NKAIN3: variants seen among roughly 807,000 people sequenced by gnomAD.
NKAIN3 encodes the protein sodium/potassium-transporting ATPase subunit beta-1-interacting protein 3.
Under a neutral mutation model 30.2 loss-of-function variants are expected in NKAIN3, and 25 were observed. The ratio of observed to expected loss-of-function variants is 0.83; its 90% CI spans 0.60 to 1.16. The LOEUF (loss-of-function observed/expected upper bound fraction) is 1.16. NKAIN3 is among the 50% of genes most tolerant of loss of function. NKAIN3 has a pLI of 0.00. For missense variants in NKAIN3, 225 were observed against 254.1 expected, an observed-to-expected ratio of 0.89 and a Z score of 0.78; for synonymous variants, 91 against 89.6, an observed-to-expected ratio of 1.02 and a Z score of -0.09.
intron 1 of NKAIN3, among the ~76,000 whole-genome samples, chr8:62,368,170 C>T (rs375759915): frequency 6.6e-6 from 1 of 152,046 alleles, no homozygotes; most frequent in Admixed American, 6.6e-5. Context: ...AAATTCACTA[C>T]AATTGCTGTC....
intron 1 of NKAIN3, among the ~76,000 whole-genome samples, chr8:62,278,757 T>A (rs138288382): frequency 0.016 from 2,363 of 152,296 alleles, 45 homozygotes; most frequent in South Asian, 0.036. Context: ...ATGTGCCACA[T>A]TTTCTTAATC....
chr8:62,562,166 A>G (rs1809604900), intron 1 of NKAIN3, among the ~76,000 whole-genome samples: 1 of 152,172 alleles, frequency 6.6e-6, no homozygotes, highest in African/African-American at 2.4e-5. Context: ...ATACACATAT[A>G]TTCTTTAAAA....
At chr8:62,270,300 A>G (rs1812741058) in intron 1 of NKAIN3, among the ~76,000 whole-genome samples, 1 of 152,082 alleles carries the variant, frequency 6.6e-6, no homozygotes, top group Non-Finnish European at 1.5e-5. Context: ...CAGGCTGGTC[A>G]TGAACTACTT....
intron 4 of NKAIN3, among the ~76,000 whole-genome samples, chr8:62,899,524 G>A (rs188329511): frequency 6.1e-4 from 93 of 152,272 alleles, no homozygotes; most frequent in African/African-American, 2.1e-3. Flanking sequence ...TCACCTATAT[G>A]TGGGATCTAA....
At chr8:62,832,329 C>CTAT (rs1819223677) in intron 4 of NKAIN3, among the ~76,000 whole-genome samples, 1 of 150,048 alleles carries the variant, frequency 6.7e-6, no homozygotes, top group Admixed American at 6.7e-5. Flanking sequence ...CCCACAGACT[C>CTAT]TATAAAGTTA....
chr8:62,930,131 G>A (rs751369473), intron 5 of NKAIN3, among the ~76,000 whole-genome samples: 30 of 152,098 alleles, frequency 2.0e-4, no homozygotes, highest in Non-Finnish European at 3.2e-4. Context: ...AGAGTGTTGT[G>A]CGACCATCAC....
chr8:62,273,206 G>A (rs771374127), intron 1 of NKAIN3, among the ~76,000 whole-genome samples: 20 of 152,300 alleles, frequency 1.3e-4, no homozygotes, highest in African/African-American at 4.1e-4. Context: ...TTTTAATTAT[G>A]TCTGTTCATA....
chr8:62,925,903 G>A (rs981677142), intron 5 of NKAIN3, among the ~76,000 whole-genome samples: 6 of 152,020 alleles, frequency 3.9e-5, no homozygotes, highest in African/African-American at 7.2e-5. Flanking sequence ...CCCTCTACAC[G>A]AATGCCTGCC....
intron 1 of NKAIN3, among the ~76,000 whole-genome samples, chr8:62,503,262 A>G (rs1294908944): frequency 1.3e-5 from 2 of 152,196 alleles, no homozygotes; most frequent in Admixed American, 6.5e-5. Context: ...TGCCCACCTG[A>G]GCCGCAAAAC....
intron 1 of NKAIN3, among the ~76,000 whole-genome samples, chr8:62,530,721 C>T (rs1808461463): frequency 6.6e-6 from 1 of 152,036 alleles, no homozygotes; most frequent in African/African-American, 2.4e-5. Flanking sequence ...TCACTGCAAC[C>T]TCCGCCTCCC....
At chr8:62,331,414 C>G (rs1199633853) in intron 1 of NKAIN3, among the ~76,000 whole-genome samples, 1 of 152,082 alleles carries the variant, frequency 6.6e-6, no homozygotes. Flanking sequence ...TCCAGTCTCT[C>G]CCACAAGTTT....
At chr8:62,995,070 CTACT>C (rs1804077163) in intron 5 of NKAIN3, among the ~76,000 whole-genome samples, 1 of 152,142 alleles carries the variant, frequency 6.6e-6, no homozygotes, top group South Asian at 2.1e-4. Context: ...ATTTGAAAAA[CTACT>C]TAAGCTTTCC....
intron 3 of NKAIN3, among the ~76,000 whole-genome samples, chr8:62,713,653 T>A (rs982826342): frequency 6.6e-6 from 1 of 152,182 alleles, no homozygotes; most frequent in Non-Finnish European, 1.5e-5. Flanking sequence ...AAAAAGTCCC[T>A]TCAATAAATT....
rs151262744 is a variant in NKAIN3 at position 62,414,515 on chromosome 8, G to A, written c.55-165024G>A. Among the ~76,000 whole-genome samples the A allele has an allele frequency of 1.6e-3, 246 of 152,268 alleles. 1 individual carries two copies. Among genetic ancestry groups the A allele is most frequent in the African/African-American group, 5.8e-3 (240 of 41,564 alleles). ...TAGCAACAATTCTGCTGTTCGTGGC[G>A]TTAATGCCGAAGATCTGATAAGAGG... On this transcript the variant is annotated intron_variant, in intron 1 of 6. Coordinates refer to ENST00000623646, the MANE Select transcript of NKAIN3 (RefSeq NM_001304533.3).
chr8:62,419,701 A>G (rs918741044), intron 1 of NKAIN3, among the ~76,000 whole-genome samples: 1 of 152,202 alleles, frequency 6.6e-6, no homozygotes, highest in Non-Finnish European at 1.5e-5. Flanking sequence ...CAGTCCTGAG[A>G]TAATCAAGAA....
intron 3 of NKAIN3, among the ~76,000 whole-genome samples, chr8:62,651,983 C>T (rs1812634720): frequency 6.6e-6 from 1 of 152,078 alleles, no homozygotes; most frequent in East Asian, 1.9e-4. Flanking sequence ...GCCAGAAAAA[C>T]CTCTTTTTCA....
intron 3 of NKAIN3, among the ~76,000 whole-genome samples, chr8:62,746,036 C>G (rs969629363): frequency 1.3e-5 from 2 of 152,202 alleles, no homozygotes; most frequent in African/African-American, 2.4e-5. Flanking sequence ...ATAGCTTAAA[C>G]CTCAGAAATT....
chr8:62,687,428 TG>T (rs1375735060), intron 3 of NKAIN3, among the ~76,000 whole-genome samples: 5 of 152,228 alleles, frequency 3.3e-5, no homozygotes, highest in Non-Finnish European at 1.5e-5. Flanking sequence ...GTTGCCTGAG[TG>T]GGGATTGTCC....
intron 1 of NKAIN3, among the ~76,000 whole-genome samples, chr8:62,495,488 G>A (rs1400488623): frequency 6.6e-6 from 1 of 150,998 alleles, no homozygotes; most frequent in Non-Finnish European, 1.5e-5. Flanking sequence ...TTTGGTTAAA[G>A]TGTTATGAAG....
Sources: gnomAD v4.1 joint callset for allele counts (sites outside exome capture counted in the v4.1 genomes callset) on GRCh38, gnomAD v4.1.1 for gene constraint, MANE v1.5 for transcripts, NCBI Gene and HGNC (gene_info 2026-07-23, HGNC 2026-07-21) for gene names.